The following DCC variants were observed in gnomAD, a reference collection of about 807,000 sequenced individuals.
The protein encoded by DCC is DCC netrin 1 receptor.
Under a neutral mutation model 172.5 loss-of-function variants are expected in DCC, and 58 were observed. That is an observed-to-expected ratio of 0.34 (90% CI 0.27 to 0.42). The LOEUF (loss-of-function observed/expected upper bound fraction) is 0.42. Among genes scored for constraint, DCC ranks in the 10% least tolerant of loss-of-function variants. DCC has a pLI of 1.00. For synonymous variants in DCC, 709 were observed against 644.5 expected, an observed-to-expected ratio of 1.10 and a Z score of -1.52; for missense variants, 1,740 against 1,791.0, an observed-to-expected ratio of 0.97 and a Z score of 0.51.
At chr18:52,947,210 G>A (rs1193540975) in intron 5 of DCC, among the ~76,000 whole-genome samples, 3 of 152,258 alleles carry the variant, frequency 2.0e-5, no homozygotes, top group East Asian at 1.9e-4. Flanking sequence ...AGGGTTTAGG[G>A]CAAGTAGTTT....
intron 1 of DCC, among the ~76,000 whole-genome samples, chr18:52,422,845 T>A (rs576230807): frequency 3.9e-5 from 6 of 152,150 alleles, no homozygotes; most frequent in Non-Finnish European, 8.8e-5. Flanking sequence ...GATACAAGAA[T>A]GAGGAAGGTT....
At chr18:53,038,050 G>A (rs144676058) in intron 5 of DCC, among the ~76,000 whole-genome samples, 80 of 151,916 alleles carry the variant, frequency 5.3e-4, no homozygotes, top group East Asian at 3.7e-3. Flanking sequence ...AAACCAACAG[G>A]TACATTTGAG....
chr18:53,352,662 A>G (rs1254066656), intron 15 of DCC, among the ~76,000 whole-genome samples: 1 of 152,158 alleles, frequency 6.6e-6, no homozygotes, highest in Non-Finnish European at 1.5e-5. Flanking sequence ...TGGAGTTTTC[A>G]TCATATCCAA....
chr18:53,315,267 TC>T (rs1309820711), intron 13 of DCC, among the ~76,000 whole-genome samples: 1 of 152,180 alleles, frequency 6.6e-6, no homozygotes. Context: ...TCCAGCTTCA[TC>T]CATATCCCTG....
chr18:52,483,661 T>C (rs1045815549), intron 1 of DCC, among the ~76,000 whole-genome samples: 1 of 152,112 alleles, frequency 6.6e-6, no homozygotes, highest in African/African-American at 2.4e-5. Context: ...TAAATTCTTT[T>C]TGCCTCAGTT....
At chr18:52,974,492 G>A (rs2041082373) in intron 5 of DCC, among the ~76,000 whole-genome samples, 1 of 152,162 alleles carries the variant, frequency 6.6e-6, no homozygotes, top group South Asian at 2.1e-4. Context: ...CAGAGGACTT[G>A]CAGCAAATCA....
intron 18 of DCC, among the ~76,000 whole-genome samples, chr18:53,400,790 T>C (rs1909250527): frequency 1.3e-5 from 2 of 152,164 alleles, no homozygotes; most frequent in African/African-American, 4.8e-5. Flanking sequence ...TTGTATTATA[T>C]TGATAGCTAA....
chr18:53,421,885 A>G (rs565354192), intron 21 of DCC, among the ~76,000 whole-genome samples: 1 of 152,284 alleles, frequency 6.6e-6, no homozygotes, highest in African/African-American at 2.4e-5. Flanking sequence ...CTATGTGTCA[A>G]TTACTCTTCT....
chr18:52,943,562 C>T (rs1252814308), intron 5 of DCC, among the ~76,000 whole-genome samples: 1 of 152,010 alleles, frequency 6.6e-6, no homozygotes, highest in Non-Finnish European at 1.5e-5. Context: ...TGCATGAAAG[C>T]ACTTTCTGCA....
intron 2 of DCC, among the ~76,000 whole-genome samples, chr18:52,753,347 G>A (rs1359155013): frequency 6.6e-6 from 1 of 152,148 alleles, no homozygotes; most frequent in African/African-American, 2.4e-5. Context: ...AACAGTCATA[G>A]GACCTCAACT....
At chr18:53,490,643 T>C (rs2045950856) in intron 26 of DCC, among the ~76,000 whole-genome samples, 2 of 152,194 alleles carry the variant, frequency 1.3e-5, no homozygotes, top group Admixed American at 1.3e-4. Context: ...GCAGGTTTCT[T>C]TGCTTTCAGA....
intron 27 of DCC, among the ~76,000 whole-genome samples, chr18:53,518,343 T>C (rs549170133): frequency 1.3e-5 from 2 of 152,234 alleles, no homozygotes; most frequent in East Asian, 1.9e-4. Context: ...ATGCTGTGCA[T>C]TGGCCTCTGA....
At chr18:52,857,152 T>G (rs945612741) in intron 2 of DCC, among the ~76,000 whole-genome samples, 1 of 152,242 alleles carries the variant, frequency 6.6e-6, no homozygotes, top group South Asian at 2.1e-4. Flanking sequence ...ATATTCCTTC[T>G]TAAATAGATT....
At chr18:52,618,186 C>T (rs1452645865) in intron 1 of DCC, among the ~76,000 whole-genome samples, 2 of 152,076 alleles carry the variant, frequency 1.3e-5, no homozygotes, top group African/African-American at 4.8e-5. Context: ...TTCTCATCAC[C>T]TCTGTCATCC....
In DCC at chr18:52,868,053, A is replaced by ATATATGTGTGTGTG. The variant is rs61579666; in HGVS notation, c.413-37990_413-37989insATATGTGTGTGTGT. On this transcript the variant is annotated intron_variant, in intron 2 of 28. Transcript: ENST00000442544. The stretch of plus-strand genomic sequence containing the variant: ...TGTGTGTATATATATATATATATAT[A>ATATATGTGTGTGTG]TGTGTGTGTGTGTGTGTGTGTGTGT... Among the ~76,000 whole-genome samples the ATATATGTGTGTGTG allele has an allele frequency of 1.7e-3, 240 of 144,330 alleles. 1 individual carries two copies. The highest frequency in any genetic ancestry group is 5.9e-3 in the African/African-American group (228 of 38,404). The allele number at this position is 144,330 out of a possible 152,430, so 94.7% of individuals were successfully genotyped here.
At position 53,486,782 on chromosome 18, in the gene DCC, C is replaced by T; in HGVS notation, c.3737-15C>T. 6.2e-7 allele frequency: 1 copy of T among 1,614,002 alleles called. No homozygotes were observed. The highest frequency in any genetic ancestry group is 8.5e-7 in the Non-Finnish European group (1 of 1,179,998). ...CATAAGGTTCAAAAAACCCATTAAC[C>T]TTTTTCTTTTGCAGCTGTCGTGAGC... On this transcript the variant is annotated splice_polypyrimidine_tract_variant and intron_variant, in intron 25 of 28. Coordinates refer to ENST00000442544, the MANE Select transcript of DCC (RefSeq NM_005215.4).
At chr18:53,368,537 T>C (rs1424110100) in intron 15 of DCC, among the ~76,000 whole-genome samples, 1 of 152,154 alleles carries the variant, frequency 6.6e-6, no homozygotes, top group Non-Finnish European at 1.5e-5. Context: ...ATCGTGAATT[T>C]TTGCCTGATG....
chr18:53,256,897 T>G (rs145786125), intron 12 of DCC, among the ~76,000 whole-genome samples: 9,977 of 152,116 alleles, frequency 0.066, 881 homozygotes, highest in African/African-American at 0.2. Context: ...TTGAGCAGTG[T>G]TTTGTAGTTC....
At chr18:52,786,281 G>GGA (rs2037657413) in intron 2 of DCC, among the ~76,000 whole-genome samples, 1 of 151,966 alleles carries the variant, frequency 6.6e-6, no homozygotes, top group Non-Finnish European at 1.5e-5. Flanking sequence ...AGATTTTTGT[G>GGA]TTACCCATCC....
Sources: gnomAD v4.1 joint callset for allele counts (sites outside exome capture counted in the v4.1 genomes callset) on GRCh38, gnomAD v4.1.1 for gene constraint, MANE v1.5 for transcripts, NCBI Gene and HGNC (gene_info 2026-07-23, HGNC 2026-07-21) for gene names.